GPSM1: variants seen among roughly 807,000 people sequenced by gnomAD.
GPSM1 encodes the protein G protein-signaling modulator 1.
In GPSM1, 48 loss-of-function variants were observed where a neutral mutation model predicts 70.5. That is an observed-to-expected ratio of 0.68 (90% CI 0.54 to 0.87). The LOEUF (loss-of-function observed/expected upper bound fraction) is 0.87, where lower values mean the gene tolerates loss of function less well. Ranked by LOEUF, GPSM1 falls within the 40% of genes least tolerant of loss-of-function variation. The probability of loss-of-function intolerance (pLI) is 0.00; values close to 1 mark genes in which losing one functional copy is unlikely to be tolerated. For missense variants in GPSM1, 981 were observed against 972.6 expected (o/e 1.01, Z -0.11); for synonymous variants, 416 against 430.1 (o/e 0.97, Z 0.41).
At chr9:136,352,176 G>A (rs1554772250) in intron 11 of GPSM1, among the ~76,000 whole-genome samples, 1 of 126,422 alleles carries the variant, frequency 7.9e-6, no homozygotes, top group African/African-American at 3.0e-5. Context: ...CCAATGCTGC[G>A]CCGTTGCTGT....
chr9:136,334,971 C>T (rs576015372), intron 2 of GPSM1, among the ~76,000 whole-genome samples: 36 of 152,294 alleles, frequency 2.4e-4, no homozygotes, highest in African/African-American at 7.9e-4. Context: ...TCTAAGGGAA[C>T]GCAGTGGGGA....
intron 3 of GPSM1, among the ~76,000 whole-genome samples, chr9:136,336,388 C>T (rs911772682): frequency 2.6e-5 from 4 of 152,224 alleles, no homozygotes; most frequent in Admixed American, 6.5e-5. Context: ...CAGTCACTCA[C>T]TCCCTGGGGG....
rs564063918 is a variant in GPSM1 at position 136,343,884 on chromosome 9, G to A, written c.1207+2891G>A. ...GGGATGGAGGATGCACCCTCTGTCC[G>A]TGCGCCTAAGAGGGCCCAGAGGGGA... On this transcript the variant is annotated intron_variant, in intron 9 of 13. Coordinates refer to ENST00000440944, the MANE Select transcript of GPSM1 (RefSeq NM_001145638.3). This position sits in a 1 kb window ranked among gnomAD's most constrained non-coding sequence, Gnocchi z 6.0. 2.6e-5 allele frequency among the ~76,000 whole-genome samples: 4 copies of A among 152,294 alleles called. No individual in the cohort carries two copies. Among genetic ancestry groups the A allele is most frequent in the Admixed American group, 6.5e-5 (1 of 15,310 alleles).
intron 6 of GPSM1, 73 bp from the exon 7 acceptor site, chr9:136,338,482 C>T (rs181219303): frequency 7.9e-5 from 112 of 1,420,546 alleles, no homozygotes; most frequent in Non-Finnish European, 9.7e-5. Context: ...GGGCAGACTG[C>T]GTCCCCATTC....
At chr9:136,338,792 C>T in intron 7 of GPSM1, 82 bp downstream of exon 7, 2 of 1,349,164 alleles carry the variant, frequency 1.5e-6, no homozygotes, top group Non-Finnish European at 2.0e-6. Context: ...TGGCCTGGGT[C>T]CCATCCCCTG....
intron 2 of GPSM1, 108 bp downstream of exon 2, chr9:136,334,776 A>C (rs1832191229): frequency 1.2e-6 from 1 of 857,368 alleles, no homozygotes; most frequent in East Asian, 2.7e-5. Flanking sequence ...TGGCGCGGTG[A>C]GTGGGGACAG....
intron 1 of GPSM1, chr9:136,332,053 C>T (rs1457369999): frequency 1.5e-5 from 6 of 398,694 alleles, no homozygotes; most frequent in African/African-American, 4.1e-5. Flanking sequence ...CTGAGCTTGG[C>T]GGAGAAGGCC....
At chr9:136,348,853 C>A (rs1336740101) in intron 10 of GPSM1, 86 bp downstream of exon 10, 7 of 980,786 alleles carry the variant, frequency 7.1e-6, no homozygotes, top group Non-Finnish European at 1.1e-5. Flanking sequence ...CACCGCCACC[C>A]ACCTCAGCCC....
At position 136,358,512 on chromosome 9, in the gene GPSM1, C is replaced by A; in HGVS notation, c.*292C>A. The A allele has an allele frequency of 1.9e-6, 1 of 533,042 alleles. No homozygotes were observed. The highest frequency in any genetic ancestry group is 3.3e-6 in the Non-Finnish European group (1 of 304,344). The allele number at this position is 533,042 out of a possible 1,614,324, so 33.0% of individuals were successfully genotyped here. On this transcript the variant is annotated 3_prime_UTR_variant, in exon 14 of 14. Transcript: ENST00000440944. The stretch of plus-strand genomic sequence containing the variant: ...CCTGGTGCTGTCAGACTCCCGCATC[C>A]TCTCCCCCAAGCCCTTCCCGTTCTG...
chr9:136,331,828 G>A (rs1832107426), intron 1 of GPSM1, among the ~76,000 whole-genome samples: 1 of 152,118 alleles, frequency 6.6e-6, no homozygotes, highest in South Asian at 2.1e-4. Context: ...CTTGATCCAC[G>A]TCAGGGATTG....
At chr9:136,334,141 C>T (rs538110215) in intron 1 of GPSM1, among the ~76,000 whole-genome samples, 4 of 152,320 alleles carry the variant, frequency 2.6e-5, no homozygotes, top group South Asian at 2.1e-4. Context: ...CCTGCAACAC[C>T]GGCCCCTGGG....
At chr9:136,348,648 TGCGAG>T in intron 9 of GPSM1, 44 bp from the exon 10 acceptor site, 1 of 1,424,044 alleles carries the variant, frequency 7.0e-7, no homozygotes, top group Non-Finnish European at 9.8e-7. Context: ...GCCCACCCAA[TGCGAG>T]GTGCCAGGGT....
chr9:136,357,811 C>T (rs1032620419), intron 13 of GPSM1, among the ~76,000 whole-genome samples: 1 of 152,218 alleles, frequency 6.6e-6, no homozygotes, highest in Admixed American at 6.5e-5. Context: ...GGGTTGGTGG[C>T]GGGGCCACCA....
chr9:136,337,180 C>T, intron 4 of GPSM1, 108 bp downstream of exon 4: 1 of 1,152,488 alleles, frequency 8.7e-7, no homozygotes. Flanking sequence ...CGACAGCTCC[C>T]AGGGCAGTGA....
rs1832425697 is a variant in GPSM1, at chr9:136,342,775, G to T, written c.1207+1782G>T. ...GCGAGCTGCGGGAGGGGAGGGGGGT[G>T]CAGAGCCGCGCTAGAGCCTGGCCGT... On this transcript the variant is annotated intron_variant, in intron 9 of 13. Coordinates refer to ENST00000440944, the MANE Select transcript of GPSM1 (RefSeq NM_001145638.3). The surrounding 1 kb of genome is among the most constrained non-coding windows in gnomAD (Gnocchi z 5.5). 6.6e-6 allele frequency among the ~76,000 whole-genome samples: 1 copy of T among 152,018 alleles called. No individual in the cohort carries two copies. Among genetic ancestry groups the T allele is most frequent in the South Asian group, 2.1e-4 (1 of 4,826 alleles).
At chr9:136,349,904 C>A in intron 11 of GPSM1, 141 bp downstream of exon 11, 1 of 756,522 alleles carries the variant, frequency 1.3e-6, no homozygotes, top group South Asian at 1.9e-5. Context: ...GCACCTGGTG[C>A]AGTGCTGTCC....
chr9:136,331,366 C>CG (rs1397470688), intron 1 of GPSM1, among the ~76,000 whole-genome samples: 20 of 140,864 alleles, frequency 1.4e-4, no homozygotes, highest in Admixed American at 4.8e-4. Flanking sequence ...GACTCTGAGC[C>CG]CCCCCCCCCC....
chr9:136,338,511 C>A, intron 6 of GPSM1, 44 bp from the exon 7 acceptor site: 2 of 1,577,018 alleles, frequency 1.3e-6, no homozygotes, highest in South Asian at 1.1e-5. Context: ...CACCCCTCAC[C>A]CTGGAGCCCT....
chr9:136,334,166 C>T (rs574601623), intron 1 of GPSM1, among the ~76,000 whole-genome samples: 73 of 152,330 alleles, frequency 4.8e-4, no homozygotes, highest in African/African-American at 1.7e-3. Flanking sequence ...AGGGTCTTGC[C>T]GGGGTCACAA....
Sources: gnomAD v4.1 joint callset for allele counts (sites outside exome capture counted in the v4.1 genomes callset) on GRCh38, gnomAD v4.1.1 for gene constraint, Gnocchi (gnomAD v3.1) non-coding constraint, MANE v1.5 for transcripts, NCBI Gene and HGNC (gene_info 2026-07-23, HGNC 2026-07-21) for gene names.